AP3S1: variants seen among roughly 807,000 people sequenced by gnomAD.
AP3S1 encodes adaptor related protein complex 3 subunit sigma 1.
AP3S1 carries 12 observed loss-of-function variants against 21.3 expected under a neutral mutation model. That is an observed-to-expected ratio of 0.56 (90% confidence interval 0.36 to 0.91). AP3S1 has a LOEUF of 0.91. Ranked by LOEUF, AP3S1 falls within the 40% of genes least tolerant of loss-of-function variation. AP3S1 has a pLI of 0.01. For missense variants in AP3S1, 116 were observed against 225.0 expected (o/e 0.52, Z 3.10); for synonymous variants, 48 against 78.4 (o/e 0.61, Z 2.05).
chr5:115,859,744 T>C (rs1353712586), intron 1 of AP3S1, among the ~76,000 whole-genome samples: 1 of 152,206 alleles, frequency 6.6e-6, no homozygotes, highest in Non-Finnish European at 1.5e-5. Context: ...TTGGTATCTC[T>C]ATTATCATTA....
chr5:115,887,316 A>G (rs1307721759), intron 3 of AP3S1, among the ~76,000 whole-genome samples: 1 of 151,534 alleles, frequency 6.6e-6, no homozygotes, highest in Non-Finnish European at 1.5e-5. Flanking sequence ...TATGCCTCCT[A>G]TTTTTGCACT....
intron 1 of AP3S1, among the ~76,000 whole-genome samples, chr5:115,859,097 T>G (rs1762989986): frequency 6.6e-6 from 1 of 152,166 alleles, no homozygotes; most frequent in Non-Finnish European, 1.5e-5. Context: ...TGCTCCTTTC[T>G]AAGGATAGGG....
At chr5:115,893,491 T>G (rs1281026418) in intron 3 of AP3S1, among the ~76,000 whole-genome samples, 1 of 152,204 alleles carries the variant, frequency 6.6e-6, no homozygotes, top group East Asian at 1.9e-4. Flanking sequence ...AGTAAACTAT[T>G]AGTAGATTTG....
At position 115,854,175 on chromosome 5, in the gene AP3S1, C is replaced by T. The variant is rs1438193005; in HGVS notation, c.69+12069C>T. 3.9e-5 allele frequency among the ~76,000 whole-genome samples: 6 copies of T among 152,038 alleles called. No homozygotes were observed. In the South Asian group the frequency reaches 1.2e-3, roughly 31 times the overall value. ...CTTCATTCATTCATGAGAGCAGAGC[C>T]CTCATGACCTTATCACCTTTTAAAG... On this transcript the variant is annotated intron_variant, in intron 1 of 5. Transcript: ENST00000316788.
chr5:115,856,932 T>G (rs1580630104), intron 1 of AP3S1, among the ~76,000 whole-genome samples: 2 of 152,214 alleles, frequency 1.3e-5, no homozygotes, highest in Non-Finnish European at 1.5e-5. Flanking sequence ...TGAAACTTTG[T>G]GCCCTTTGAT....
At position 115,847,661 on chromosome 5, in the gene AP3S1, CAAAA is replaced by C. The variant is rs36014273; in HGVS notation, c.69+5561_69+5564del. The stretch of plus-strand genomic sequence containing the variant: ...TATGTTTTTATTGAGGTATAGATGA[CAAAA>C]AAAAATTACATATATTTACCGTGTA... On this transcript the variant is annotated intron_variant, in intron 1 of 5. Coordinates refer to ENST00000316788, the MANE Select transcript of AP3S1 (RefSeq NM_001284.4). Among the ~76,000 whole-genome samples the C allele has an allele frequency of 1.7e-3, 257 of 150,604 alleles. 2 individuals carry two copies. The highest frequency in any genetic ancestry group is 5.5e-3 in the African/African-American group (228 of 41,096).
intron 1 of AP3S1, 53 bp downstream of exon 1, chr5:115,842,159 C>G (rs1462003669): frequency 7.2e-6 from 11 of 1,517,928 alleles, no homozygotes; most frequent in Non-Finnish European, 9.7e-6. Context: ...TGGCGACGGG[C>G]AGCGCCCAGC....
chr5:115,865,034 C>T (rs549401107), intron 1 of AP3S1, among the ~76,000 whole-genome samples: 134 of 151,934 alleles, frequency 8.8e-4, no homozygotes, highest in African/African-American at 2.9e-3. Context: ...AAAAGCAAAA[C>T]GGCAGACAGA....
At chr5:115,870,216 G>A (rs1237928109) in intron 3 of AP3S1, 88 bp downstream of exon 3, 1 of 791,618 alleles carries the variant, frequency 1.3e-6, no homozygotes, top group African/African-American at 1.8e-5. Context: ...TTTCTAAAAT[G>A]ATGTTAGTAA....
chr5:115,861,504 G>A (rs1763178374), intron 1 of AP3S1, among the ~76,000 whole-genome samples: 1 of 152,060 alleles, frequency 6.6e-6, no homozygotes, highest in African/African-American at 2.4e-5. Context: ...TTTTTTATTT[G>A]TTTAATTTCT....
intron 1 of AP3S1, among the ~76,000 whole-genome samples, chr5:115,853,170 A>G (rs1261359504): frequency 2.0e-5 from 3 of 152,124 alleles, no homozygotes; most frequent in Non-Finnish European, 4.4e-5. Context: ...AGCTGTCCTG[A>G]TGGGTATCAA....
At chr5:115,850,568 T>C (rs1210514396) in intron 1 of AP3S1, among the ~76,000 whole-genome samples, 1 of 152,198 alleles carries the variant, frequency 6.6e-6, no homozygotes, top group African/African-American at 2.4e-5. Context: ...TTTGTGTCTC[T>C]ATGAATTTGA....
intron 4 of AP3S1, chr5:115,898,660 G>C (rs1750963086): frequency 1.3e-5 from 2 of 152,230 alleles, no homozygotes; most frequent in Admixed American, 1.3e-4. Context: ...GTAAAGGAAG[G>C]AGCATCCAGA....
chr5:115,899,933 AAAT>A (rs1435835311), intron 4 of AP3S1, among the ~76,000 whole-genome samples: 4 of 152,200 alleles, frequency 2.6e-5, no homozygotes, highest in African/African-American at 7.2e-5. Context: ...TTTGTTTTAT[AAAT>A]AATAATAAAG....
intron 3 of AP3S1, among the ~76,000 whole-genome samples, chr5:115,882,801 G>A (rs369835524): frequency 6.6e-6 from 1 of 152,240 alleles, no homozygotes; most frequent in African/African-American, 2.4e-5. Context: ...TGTGCTCACA[G>A]CCACCCCTTC....
At chr5:115,893,653 G>T (rs572262690) in intron 3 of AP3S1, among the ~76,000 whole-genome samples, 1 of 152,060 alleles carries the variant, frequency 6.6e-6, no homozygotes, top group African/African-American at 2.4e-5. Context: ...TTGTAGAAAC[G>T]TGCCCTACAT....
intron 1 of AP3S1, among the ~76,000 whole-genome samples, chr5:115,846,668 T>C (rs1210372845): frequency 1.3e-5 from 2 of 152,164 alleles, no homozygotes; most frequent in Admixed American, 6.5e-5. Context: ...TGTTCACTCA[T>C]GTCTTTTTTT....
intron 3 of AP3S1, among the ~76,000 whole-genome samples, chr5:115,892,771 CAAT>C (rs1032207688): frequency 3.3e-5 from 5 of 152,056 alleles, no homozygotes; most frequent in African/African-American, 1.2e-4. Context: ...TGATTATAGT[CAAT>C]AATCATTGAA....
At position 115,913,428 on chromosome 5, in the gene AP3S1, C is replaced by A; in HGVS notation, c.520C>A (p.Pro174Thr). The change falls in exon 6 of 6, where the codon CCA becomes ACA. Residue 174 changes from proline (P) to threonine (T), a missense_variant. By Grantham distance (38) the Pro-to-Thr change is conservative (BLOSUM62 -1). This residue lies in a region of AP3S1 where 65 missense variants were observed against 148.2 expected (regional missense o/e 0.44). Coordinates refer to ENST00000316788, the MANE Select transcript of AP3S1 (RefSeq NM_001284.4). ...AAAGAATATGAATCTTCCTGAGATCCCAAGAAATATTAACATTGGTGACAT... is the reference window on the plus strand; with the variant it reads ...AAAGAATATGAATCTTCCTGAGATCACAAGAAATATTAACATTGGTGACAT... Reference protein sequence around the residue: ...AVKNMNLPEIPRNINIGDISI... With the variant: ...AVKNMNLPEITRNINIGDISI... 1 of 1,613,938 alleles carries A rather than the reference C, an allele frequency of 6.2e-7. No homozygotes were observed. Among genetic ancestry groups the A allele is most frequent in the Non-Finnish European group, 8.5e-7 (1 of 1,179,810 alleles).
Sources: gnomAD v4.1 joint callset for allele counts (sites outside exome capture counted in the v4.1 genomes callset) on GRCh38, gnomAD v4.1.1 for gene constraint, gnomAD v4.1.1 regional missense constraint, MANE v1.5 for transcripts, NCBI Gene and HGNC (gene_info 2026-07-23, HGNC 2026-07-21) for gene names.